Variants in BCAS1 observed in about 807,000 individuals in gnomAD.
BCAS1 encodes the protein breast carcinoma-amplified sequence 1.
In BCAS1, 46 loss-of-function variants were observed where a neutral mutation model predicts 65.4. That is an observed-to-expected ratio of 0.70 (90% CI 0.55 to 0.90). The LOEUF is 0.90. Among genes scored for constraint, BCAS1 ranks in the 40% least tolerant of loss-of-function variants. BCAS1 has a pLI of 0.00. For synonymous variants in BCAS1, 298 were observed against 293.5 expected (o/e 1.02, Z -0.16); for missense variants, 793 against 771.2 (o/e 1.03, Z -0.33).
chr20:54,028,583 CT>C lies in BCAS1; in HGVS notation c.531del (p.Gly179GlufsTer65), dbSNP rs535655671. 2.0e-4 allele frequency: 319 copies of C among 1,614,048 alleles called. 1 individual carries two copies. Among genetic ancestry groups the C allele is most frequent in the Middle Eastern group, 3.3e-4 (2 of 6,082 alleles). The part of the protein sequence containing the change: ...ARDPTLLPPE[T>X]GGAGGEAPSK... ...GAGGGAGCTTCTCCTCCTGCTCCCC[CT>C]GTCTCAGGTGGGAGAAGCGTGGGAT... On this transcript the variant is annotated frameshift_variant, in exon 4 of 13. Coordinates refer to ENST00000688948, the MANE Select transcript of BCAS1 (RefSeq NM_001366298.2). LOFTEE classifies it high-confidence loss of function.
Position 54,028,614 on chromosome 20 carries a change from G to T in BCAS1, c.501C>A (p.Ala167=). 1 of 1,614,194 alleles carries T rather than the reference G, an allele frequency of 6.2e-7. No homozygotes were observed. Among genetic ancestry groups the T allele is most frequent in the East Asian group, 2.2e-5 (1 of 44,880 alleles). ...CAGGTGGGAGAAGCGTGGGATCCCT[G>T]GCGGCAGAGAGGACCTTGTCTTGGG... ...APAQDKVLSA[A]RDPTLLPPET... is the part of the protein sequence containing the mutation. The change falls in exon 4 of 13, where the codon GCC becomes GCA. Residue 167 remains alanine, a synonymous_variant. Coordinates refer to ENST00000688948, the MANE Select transcript of BCAS1 (RefSeq NM_001366298.2).
At chr20:53,954,643 TA>T (rs1191518427) in intron 11 of BCAS1, among the ~76,000 whole-genome samples, 1 of 152,218 alleles carries the variant, frequency 6.6e-6, no homozygotes, top group Non-Finnish European at 1.5e-5. Flanking sequence ...GATGAGGCTG[TA>T]AAATCCAAAA....
intron 10 of BCAS1, among the ~76,000 whole-genome samples, chr20:53,964,117 G>A (rs868268527): frequency 2.0e-5 from 3 of 152,124 alleles, no homozygotes; most frequent in South Asian, 2.1e-4. Context: ...GCAAAAAGTT[G>A]AAAACATACC....
chr20:53,989,871 A>C (rs188610928), intron 7 of BCAS1, among the ~76,000 whole-genome samples: 1 of 152,244 alleles, frequency 6.6e-6, no homozygotes, highest in African/African-American at 2.4e-5. Context: ...ATTTTCTAGC[A>C]TAAGCATGTC....
At chr20:54,047,380 T>G (rs1053301824) in intron 3 of BCAS1, among the ~76,000 whole-genome samples, 3 of 152,210 alleles carry the variant, frequency 2.0e-5, no homozygotes, top group African/African-American at 7.2e-5. Flanking sequence ...GCATGGGTTA[T>G]TGCGTGGTGG....
chr20:53,950,786 G>A (rs572790568), intron 12 of BCAS1, among the ~76,000 whole-genome samples: 6 of 152,290 alleles, frequency 3.9e-5, no homozygotes, highest in African/African-American at 1.4e-4. Context: ...TAAGCCTTAT[G>A]AGCCATGCAG....
chr20:53,979,114 C>G (rs1017239194), intron 8 of BCAS1, among the ~76,000 whole-genome samples: 1 of 151,978 alleles, frequency 6.6e-6, no homozygotes, highest in African/African-American at 2.4e-5. Flanking sequence ...AGTTGGAGAT[C>G]CTGGAAGGTA....
intron 6 of BCAS1, 124 bp downstream of exon 6, chr20:53,994,888 T>TACAC (rs11471603): frequency 0.037 from 20,346 of 552,978 alleles, 134 homozygotes; most frequent in Middle Eastern, 0.066. Context: ...ATAGATATGA[T>TACAC]ACACACACAC....
chr20:53,997,144 T>C (rs537455470), intron 4 of BCAS1, among the ~76,000 whole-genome samples: 1 of 152,354 alleles, frequency 6.6e-6, no homozygotes, highest in African/African-American at 2.4e-5. Context: ...CTTTGCTGTG[T>C]CAGCAGTTCT....
intron 3 of BCAS1, among the ~76,000 whole-genome samples, chr20:54,038,070 T>G (rs1237838428): frequency 6.6e-6 from 1 of 151,400 alleles, no homozygotes; most frequent in East Asian, 1.9e-4. Context: ...CTCTCTACTA[T>G]GGGCCACACC....
chr20:53,975,490 A>G (rs1328316634), intron 8 of BCAS1, 60 bp from the exon 9 acceptor site: 81 of 1,453,524 alleles, frequency 5.6e-5, no homozygotes, highest in Non-Finnish European at 6.8e-5. Context: ...AAATTGTTAC[A>G]TAAAAGCAAA....
At chr20:54,044,837 C>CAAAAAAAA (rs74179262) in intron 3 of BCAS1, among the ~76,000 whole-genome samples, 4,670 of 132,344 alleles carry the variant, frequency 0.035, 100 homozygotes, top group Middle Eastern at 0.082. Context: ...GACTCTGTCT[C>CAAAAAAAA]AAAAAAAAAA....
At chr20:54,051,834 G>A (rs1053684365) in intron 3 of BCAS1, among the ~76,000 whole-genome samples, 1 of 151,868 alleles carries the variant, frequency 6.6e-6, no homozygotes, top group Non-Finnish European at 1.5e-5. Flanking sequence ...GCCTCCCTGG[G>A]TTCAAGAGAT....
At chr20:53,979,907 T>C (rs1229132579) in intron 8 of BCAS1, among the ~76,000 whole-genome samples, 3 of 152,222 alleles carry the variant, frequency 2.0e-5, no homozygotes, top group Non-Finnish European at 4.4e-5. Flanking sequence ...ACTAGACCTA[T>C]TTAGAATTTT....
At chr20:53,989,341 A>G (rs1168528198) in intron 7 of BCAS1, among the ~76,000 whole-genome samples, 1 of 152,190 alleles carries the variant, frequency 6.6e-6, no homozygotes, top group South Asian at 2.1e-4. Flanking sequence ...AGTTATAGTA[A>G]CTATATAATT....
intron 9 of BCAS1, among the ~76,000 whole-genome samples, chr20:53,969,416 G>A (rs183874241): frequency 5.3e-5 from 8 of 152,178 alleles, no homozygotes; most frequent in African/African-American, 1.7e-4. Flanking sequence ...TGTACCGGGT[G>A]TTTAATATTT....
chr20:53,954,689 T>A (rs1035571309), intron 11 of BCAS1, among the ~76,000 whole-genome samples: 1 of 152,234 alleles, frequency 6.6e-6, no homozygotes, highest in East Asian at 1.9e-4. Context: ...AGAATAACCA[T>A]GTGGATATCT....
At chr20:54,066,698 G>T (rs2092448442) in intron 1 of BCAS1, among the ~76,000 whole-genome samples, 1 of 152,168 alleles carries the variant, frequency 6.6e-6, no homozygotes, top group Non-Finnish European at 1.5e-5. Flanking sequence ...CAGAAAGAGT[G>T]GTCTCACCAG....
At chr20:54,041,619 AAC>A (rs2091993958) in intron 3 of BCAS1, among the ~76,000 whole-genome samples, 1 of 152,136 alleles carries the variant, frequency 6.6e-6, no homozygotes, top group Admixed American at 6.6e-5. Flanking sequence ...ACGGTGGCTT[AAC>A]GCCTGTAATC....
Sources: gnomAD v4.1 joint callset for allele counts (sites outside exome capture counted in the v4.1 genomes callset) on GRCh38, gnomAD v4.1.1 for gene constraint, MANE v1.5 for transcripts, NCBI Gene and HGNC (gene_info 2026-07-23, HGNC 2026-07-21) for gene names.